Variants in ITGAM observed in about 807,000 individuals in gnomAD.
ITGAM encodes the protein integrin subunit alpha M, also known as integrin alpha-M.
A neutral mutation model predicts 137.5 loss-of-function variants in ITGAM; 79 were observed. That is an observed-to-expected ratio of 0.57 (90% confidence interval 0.48 to 0.69). ITGAM has a LOEUF of 0.69. ITGAM is among the 30% of genes least tolerant of loss of function. The pLI, the probability that ITGAM is intolerant of heterozygous loss-of-function variation, is 0.00. For missense variants in ITGAM, 1,343 were observed against 1,483.5 expected (o/e 0.91, Z 1.56); for synonymous variants, 583 against 592.3 (o/e 0.98, Z 0.23).
chr16:31,280,230 G>T (rs886394833), intron 12 of ITGAM, among the ~76,000 whole-genome samples: 1 of 152,122 alleles, frequency 6.6e-6, no homozygotes, highest in Non-Finnish European at 1.5e-5. Context: ...GCTCTTTTTT[G>T]GTTCCACATG....
chr16:31,281,362 G>A (rs1007930609), intron 12 of ITGAM, among the ~76,000 whole-genome samples: 6 of 152,096 alleles, frequency 3.9e-5, no homozygotes, highest in African/African-American at 1.4e-4. Flanking sequence ...ACTTTTTTTG[G>A]TTGGTAGGCT....
In ITGAM at chr16:31,277,967, G is replaced by T. The variant is rs1216604031; in HGVS notation, c.1214G>T (p.Gly405Val). 1 of 1,590,798 alleles carries T rather than the reference G, an allele frequency of 6.3e-7. No homozygotes were observed. Among genetic ancestry groups the T allele is most frequent in the Admixed American group, 1.8e-5 (1 of 56,686 alleles). ...VDSDMNDAYL[G>V]YAAAIILRNR... is the part of the protein sequence containing the mutation. ...TCACCTCTCAGACCCCCACCTTCAGGTTATGCTGCCGCCATCATCTTACGG... is the reference window on the plus strand; with the variant it reads ...TCACCTCTCAGACCCCCACCTTCAGTTTATGCTGCCGCCATCATCTTACGG... Residue 405 changes from glycine (G) to valine (V), a missense_variant and splice_region_variant, in exon 12 of 30, where the codon GGT becomes GTT. Transcript: ENST00000544665.
At chr16:31,275,116 A>T (rs981040959) in intron 8 of ITGAM, among the ~76,000 whole-genome samples, 1 of 152,172 alleles carries the variant, frequency 6.6e-6, no homozygotes, top group African/African-American at 2.4e-5. Flanking sequence ...AGGGCACAGC[A>T]GAGTGCTGGG....
intron 14 of ITGAM, among the ~76,000 whole-genome samples, chr16:31,313,234 G>T (rs1040526026): frequency 1.3e-5 from 2 of 152,008 alleles, no homozygotes; most frequent in African/African-American, 4.8e-5. Flanking sequence ...AAAATTATAC[G>T]TTAAGTTCTG....
chr16:31,320,637 C>T (rs7192161), intron 14 of ITGAM, among the ~76,000 whole-genome samples: 50,300 of 151,962 alleles, frequency 0.33, 9,835 homozygotes, highest in East Asian at 0.69. Context: ...AATTTTGCTA[C>T]TTTTTGATTT....
chr16:31,326,664 G>A (rs1244545426), intron 21 of ITGAM, among the ~76,000 whole-genome samples, 192 bp from the exon 22 acceptor site: 28 of 152,100 alleles, frequency 1.8e-4, no homozygotes, highest in Admixed American at 1.8e-3. Context: ...TGATCCACCT[G>A]CCTCAGCCTC....
Position 31,324,026 on chromosome 16 carries a change from A to C in ITGAM, c.2003-373A>C, listed in dbSNP as rs2080477527. Among the ~76,000 whole-genome samples the C allele has an allele frequency of 6.6e-6, 1 of 151,936 alleles. No individual in the cohort carries two copies. The highest frequency in any genetic ancestry group is 6.6e-5 in the Admixed American group (1 of 15,228). ...AGATTCTGTCTCAAAAAAGAAAATA[A>C]AAAATAAAAAGAAAGGAAGGAAGGA... On this transcript the variant is annotated intron_variant, in intron 16 of 29. Coordinates refer to ENST00000544665, the MANE Select transcript of ITGAM (RefSeq NM_000632.4). This position sits in a 1 kb window ranked among gnomAD's most constrained non-coding sequence, Gnocchi z 4.5.
intron 9 of ITGAM, 25 bp from the exon 10 acceptor site, chr16:31,276,646 A>G: frequency 6.3e-7 from 1 of 1,575,456 alleles, no homozygotes; most frequent in Non-Finnish European, 8.7e-7. Context: ...GCTTTCTTTA[A>G]TATAGAAACT....
rs1332709476 is a variant in ITGAM, at chr16:31,277,862, C to T, written c.1214-105C>T. On this transcript the variant is annotated intron_variant, in intron 11 of 29. Transcript: ENST00000544665. ...ATAGCGTAGGGATCAGTTACCCCAA[C>T]ACAGCAAGCGTGGGGCTGCCCCAGT... 4 of 1,191,288 alleles carry T rather than the reference C, an allele frequency of 3.4e-6. No homozygotes were observed. In the African/African-American group the frequency reaches 4.6e-5, roughly 14 times the overall value. The allele number at this position is 1,191,288 out of a possible 1,614,324, so 73.8% of individuals were successfully genotyped here.
chr16:31,283,303 C>A (rs28825532), intron 12 of ITGAM, among the ~76,000 whole-genome samples: 27,104 of 152,174 alleles, frequency 0.18, 3,061 homozygotes, highest in African/African-American at 0.31. Context: ...GGATAATACC[C>A]TGAAGAGTGT....
In ITGAM at chr16:31,274,965, G is replaced by T. The variant is rs115791605; in HGVS notation, c.859-584G>T. Among the ~76,000 whole-genome samples the T allele has an allele frequency of 8.6e-3, 1,305 of 152,300 alleles. 29 individuals carry two copies. The highest frequency in any genetic ancestry group is 0.03 in the African/African-American group (1,248 of 41,552). On this transcript the variant is annotated intron_variant, in intron 8 of 29. Transcript: ENST00000544665. ...ACGACCTTATCCTTGTTGGCAAAGT[G>T]CCCTGTGAAATATAGAATGGAGCCT... is the stretch of plus-strand genomic sequence containing the variant.
chr16:31,325,656 T>C (rs767030100), intron 21 of ITGAM, 34 bp downstream of exon 21: 12 of 1,591,872 alleles, frequency 7.5e-6, no homozygotes, highest in Non-Finnish European at 1.0e-5. Context: ...TCCTTTTCTC[T>C]TTGATTTCTT....
chr16:31,319,750 G>A (rs2080428669), intron 14 of ITGAM, among the ~76,000 whole-genome samples: 1 of 151,596 alleles, frequency 6.6e-6, no homozygotes, highest in South Asian at 2.1e-4. Flanking sequence ...TTCTCTTGCT[G>A]TCTTCCTTTG....
chr16:31,263,700 G>T, intron 2 of ITGAM, among the ~76,000 whole-genome samples: 1 of 145,586 alleles, frequency 6.9e-6, no homozygotes. Flanking sequence ...TACAAGCTTT[G>T]AGTACACTGA....
intron 14 of ITGAM, among the ~76,000 whole-genome samples, chr16:31,304,239 G>A (rs1348408551): frequency 6.6e-6 from 1 of 152,002 alleles, no homozygotes; most frequent in Non-Finnish European, 1.5e-5. Context: ...TTTTTCATAT[G>A]TTTATCGGCC....
chr16:31,325,663 T>G (rs760327529), intron 21 of ITGAM, 41 bp downstream of exon 21: 50 of 1,587,910 alleles, frequency 3.1e-5, no homozygotes, highest in Non-Finnish European at 4.3e-5. Context: ...CTCTTTGATT[T>G]CTTTGGGGAT....
intron 28 of ITGAM, 133 bp from the exon 29 acceptor site, chr16:31,331,032 G>A (rs552768412): frequency 1.0e-4 from 64 of 609,956 alleles, no homozygotes; most frequent in Non-Finnish European, 1.7e-4. Context: ...GGTGGGGGAG[G>A]AGGACTGAGG....
At chr16:31,296,033 C>T in intron 12 of ITGAM, among the ~76,000 whole-genome samples, 1 of 151,384 alleles carries the variant, frequency 6.6e-6, no homozygotes, top group Non-Finnish European at 1.5e-5. Context: ...AATTGATTTG[C>T]ATATGTGGAA....
At chr16:31,283,325 G>A (rs2144333392) in intron 12 of ITGAM, among the ~76,000 whole-genome samples, 1 of 152,286 alleles carries the variant, frequency 6.6e-6, no homozygotes, top group East Asian at 1.9e-4. Flanking sequence ...TTCCAACTTG[G>A]TTCCATTCGC....
Sources: allele counts gnomAD v4.1 joint callset (sites outside exome capture counted in the v4.1 genomes callset), GRCh38; gene constraint gnomAD v4.1.1; non-coding constraint Gnocchi (gnomAD v3.1); transcripts MANE v1.5; gene names NCBI Gene and HGNC (gene_info 2026-07-23, HGNC 2026-07-21).